SV2B: variants seen among roughly 807,000 people sequenced by gnomAD.
SV2B encodes the protein solute carrier family 22 member B2.
In SV2B, 41 loss-of-function variants were observed where a neutral mutation model predicts 73.9. The observed-to-expected ratio is 0.56, with a 90% confidence interval of 0.43 to 0.72. The LOEUF is 0.72. SV2B is among the 30% of genes least tolerant of loss of function. The pLI, the probability that SV2B is intolerant of heterozygous loss-of-function variation, is 0.00. For synonymous variants in SV2B, 314 were observed against 314.2 expected, an observed-to-expected ratio of 1.00 and a Z score of 0.01; for missense variants, 764 against 857.8, an observed-to-expected ratio of 0.89 and a Z score of 1.37.
At position 91,226,044 on chromosome 15, in the gene SV2B, C is replaced by T. The variant is rs1437934829; in HGVS notation, c.-220C>T. On this transcript the variant is annotated 5_prime_UTR_variant, in exon 2 of 13. Transcript: ENST00000394232. Reference sequence around the variant, plus strand: ...TGAAACTTTCCAGACTTCCAACAGACATCGAGTGCAAAAGGATATTTAGGT... The same window carrying T: ...TGAAACTTTCCAGACTTCCAACAGATATCGAGTGCAAAAGGATATTTAGGT... 5.4e-6 allele frequency: 3 copies of T among 557,576 alleles called. No homozygotes were observed. The highest frequency in any genetic ancestry group is 6.3e-6 in the Non-Finnish European group (2 of 318,376). 34.5% of individuals were successfully genotyped at this position (557,576 alleles called of 1,614,324 possible).
In SV2B at chr15:91,124,363, G is replaced by C. The variant is rs1044941506; in HGVS notation, c.-392+24000G>C. ...CTCTTGGGAGGATTGTGAAGCTAAT[G>C]GCACCTCCTTCCTCAGGAAGTGAGA... On this transcript the variant is annotated intron_variant, in intron 1 of 12. Transcript: ENST00000394232. This position sits in a 1 kb window ranked among gnomAD's most constrained non-coding sequence, Gnocchi z 4.6. Among the ~76,000 whole-genome samples the C allele has an allele frequency of 1.3e-5, 2 of 152,100 alleles. No homozygotes were observed. The highest frequency in any genetic ancestry group is 4.8e-5 in the African/African-American group (2 of 41,420).
intron 2 of SV2B, among the ~76,000 whole-genome samples, chr15:91,248,321 AAAAC>A (rs1043604484): frequency 6.6e-5 from 10 of 152,206 alleles, no homozygotes; most frequent in Non-Finnish European, 8.8e-5. Flanking sequence ...TAAAAAACAA[AAAAC>A]AAACAAACAA....
intron 5 of SV2B, 34 bp from the exon 6 acceptor site, chr15:91,260,286 G>C (rs1361930781): frequency 3.2e-6 from 5 of 1,580,222 alleles, no homozygotes; most frequent in Middle Eastern, 1.7e-4. Context: ...AGTCAGCAAT[G>C]AATTTTTCCT....
At chr15:91,102,484 A>G (rs548197354) in intron 1 of SV2B, among the ~76,000 whole-genome samples, 3 of 152,196 alleles carry the variant, frequency 2.0e-5, no homozygotes, top group African/African-American at 7.2e-5. Context: ...GGCACAAAGT[A>G]GGTGCTCAAG....
Position 91,258,081 on chromosome 15 carries a change from C to T in SV2B, c.785-340C>T, listed in dbSNP as rs1004344504. On this transcript the variant is annotated intron_variant, in intron 4 of 12. Coordinates refer to ENST00000394232, the MANE Select transcript of SV2B (RefSeq NM_001323032.3). This position sits in a 1 kb window ranked among gnomAD's most constrained non-coding sequence, Gnocchi z 4.7. Reference sequence around the variant, plus strand: ...AAAATATAATGATTCTGTAGAGATACGGGCTATTGTTTCTGTTTGTACTCT... The same window carrying T: ...AAAATATAATGATTCTGTAGAGATATGGGCTATTGTTTCTGTTTGTACTCT... 1.3e-5 allele frequency among the ~76,000 whole-genome samples: 2 copies of T among 152,106 alleles called. No homozygotes were observed. The highest frequency in any genetic ancestry group is 1.9e-4 in the East Asian group (1 of 5,198).
At chr15:91,211,508 T>C (rs916105727) in intron 1 of SV2B, among the ~76,000 whole-genome samples, 52 of 133,354 alleles carry the variant, frequency 3.9e-4, no homozygotes, top group Non-Finnish European at 6.8e-4. Flanking sequence ...TTCTTCTTCC[T>C]TTTTTTTTTT....
At chr15:91,150,776 A>G (rs2043290969) in intron 1 of SV2B, among the ~76,000 whole-genome samples, 1 of 152,260 alleles carries the variant, frequency 6.6e-6, no homozygotes, top group Non-Finnish European at 1.5e-5. Context: ...TCATGCCACA[A>G]AATCATGTCT....
At position 91,267,585 on chromosome 15, in the gene SV2B, G is replaced by A. The variant is rs146252262; in HGVS notation, c.1150G>A (p.Gly384Arg). The A allele has an allele frequency of 6.2e-7, 1 of 1,613,268 alleles. No homozygotes were observed. The highest frequency in any genetic ancestry group is 8.5e-7 in the Non-Finnish European group (1 of 1,179,696). ...GGATAATGCCCTGTACTGTGTGATGGGGCCCTACAGAATGAATACACTGAT... is the reference window on the plus strand; with the variant it reads ...GGATAATGCCCTGTACTGTGTGATGAGGCCCTACAGAATGAATACACTGAT... ...VWDNALYCVM[G>R]PYRMNTLILA... The change falls in exon 8 of 13, where the codon GGG (glycine) becomes AGG (arginine). Residue 384 changes from glycine to arginine, a missense_variant. Gly to Arg is a moderately radical substitution (Grantham distance 125). Coordinates refer to ENST00000394232, the MANE Select transcript of SV2B (RefSeq NM_001323032.3). This position sits in a 1 kb window ranked among gnomAD's most constrained non-coding sequence, Gnocchi z 4.3.
chr15:91,250,894 C>G (rs892920419), intron 2 of SV2B, among the ~76,000 whole-genome samples: 2 of 152,150 alleles, frequency 1.3e-5, no homozygotes, highest in African/African-American at 4.8e-5. Flanking sequence ...AAGTAACCTA[C>G]AGATTCAATG....
At chr15:91,135,383 G>A (rs79183048) in intron 1 of SV2B, among the ~76,000 whole-genome samples, 16 of 152,272 alleles carry the variant, frequency 1.1e-4, no homozygotes, top group East Asian at 1.9e-4. Flanking sequence ...AGATTCTCCC[G>A]TGTCGGGGGT....
chr15:91,205,868 C>A (rs2141402167), intron 1 of SV2B, among the ~76,000 whole-genome samples: 2 of 152,282 alleles, frequency 1.3e-5, no homozygotes, highest in South Asian at 4.1e-4. Flanking sequence ...ACCCAAAGGT[C>A]AGAAAGCAGC....
rs368190783 is a variant in SV2B at position 91,158,633 on chromosome 15, CCTCTTCTCTTCTCTT to C, written c.-392+58325_-392+58339del. 4.1e-3 allele frequency among the ~76,000 whole-genome samples: 224 copies of C among 54,470 alleles called. 10 individuals are homozygous for C. The highest frequency in any genetic ancestry group is 0.018 in the Admixed American group (96 of 5,302). 35.7% of individuals were successfully genotyped at this position (54,470 alleles called of 152,430 possible). The stretch of plus-strand genomic sequence containing the variant: ...AAGGGTGGCCTTTTCTTTTATTTTC[CCTCTTCTCTTCTCTT>C]CTCTTCTCTTCTCTTCTCTTCTCTT... On this transcript the variant is annotated intron_variant, in intron 1 of 12. Coordinates refer to ENST00000394232, the MANE Select transcript of SV2B (RefSeq NM_001323032.3).
intron 1 of SV2B, among the ~76,000 whole-genome samples, chr15:91,153,707 G>A (rs2043390069): frequency 6.6e-6 from 1 of 152,130 alleles, no homozygotes. Flanking sequence ...CCATCCAAAT[G>A]GACCAGGAGG....
rs571278462 is a variant in SV2B, at chr15:91,233,179, T to C, written c.451+6465T>C. 3.3e-5 allele frequency among the ~76,000 whole-genome samples: 5 copies of C among 152,334 alleles called. No individual in the cohort carries two copies. The East Asian group carries it at 9.6e-4, about 29-fold the overall frequency. ...CTATTTCTAGGAGTAAAGAGAGCAC[T>C]GATAGTCCATGTTGTGACGTGGCAA... On this transcript the variant is annotated intron_variant, in intron 2 of 12. Coordinates refer to ENST00000394232, the MANE Select transcript of SV2B (RefSeq NM_001323032.3).
chr15:91,165,650 G>A (rs2043887891), intron 1 of SV2B, among the ~76,000 whole-genome samples: 2 of 152,168 alleles, frequency 1.3e-5, no homozygotes, highest in South Asian at 4.1e-4. Flanking sequence ...TGACATCACT[G>A]TAGGAGACAG....
At chr15:91,114,489 C>T (rs559499693) in intron 1 of SV2B, among the ~76,000 whole-genome samples, 110 of 152,302 alleles carry the variant, frequency 7.2e-4, no homozygotes, top group Non-Finnish European at 1.2e-3. Context: ...CTGCTTTAAA[C>T]TCCAGGCCTC....
At position 91,284,704 on chromosome 15, in the gene SV2B, C is replaced by T. The variant is rs995612000; in HGVS notation, c.1708+483C>T. 1.3e-5 allele frequency among the ~76,000 whole-genome samples: 2 copies of T among 152,162 alleles called. No homozygotes were observed. The highest frequency in any genetic ancestry group is 2.9e-5 in the Non-Finnish European group (2 of 68,010). On this transcript the variant is annotated intron_variant, in intron 11 of 12. Coordinates refer to ENST00000394232, the MANE Select transcript of SV2B (RefSeq NM_001323032.3). The surrounding 1 kb of genome is among the most constrained non-coding windows in gnomAD (Gnocchi z 4.5). ...AAGGCTGTTTGACCTTGAATGTGTT[C>T]CTTTACTTCTCTGGGCCTCAGTTTC...
chr15:91,273,451 C>T (rs1457052106), intron 9 of SV2B, among the ~76,000 whole-genome samples: 1 of 152,290 alleles, frequency 6.6e-6, no homozygotes, highest in East Asian at 1.9e-4. Flanking sequence ...TGTGGAGCAT[C>T]TTGGATAGTT....
At chr15:91,119,223 C>T (rs1283259104) in intron 1 of SV2B, among the ~76,000 whole-genome samples, 1 of 152,184 alleles carries the variant, frequency 6.6e-6, no homozygotes, top group Non-Finnish European at 1.5e-5. Flanking sequence ...AAATCCTTTT[C>T]TAATTTGACA....
Sources: gnomAD v4.1 joint callset for allele counts (sites outside exome capture counted in the v4.1 genomes callset) on GRCh38, gnomAD v4.1.1 for gene constraint, Gnocchi (gnomAD v3.1) non-coding constraint, MANE v1.5 for transcripts, NCBI Gene and HGNC (gene_info 2026-07-23, HGNC 2026-07-21) for gene names.